Variants in IL16 observed in about 807,000 individuals in gnomAD.
The protein encoded by IL16 is interleukin 16.
A neutral mutation model predicts 110.1 loss-of-function variants in IL16; 67 were observed. The observed-to-expected ratio is 0.61, with a 90% CI of 0.50 to 0.75. The LOEUF (loss-of-function observed/expected upper bound fraction) is 0.75, where lower values mean the gene tolerates loss of function less well. Among genes scored for constraint, IL16 ranks in the 30% least tolerant of loss-of-function variants. The pLI is 0.00. For synonymous variants in IL16, 689 were observed against 662.9 expected (o/e 1.04, Z -0.61); for missense variants, 1,545 against 1,655.0 (o/e 0.93, Z 1.15).
intron 1 of IL16, among the ~76,000 whole-genome samples, chr15:81,206,990 T>C (rs556095063): frequency 1.3e-5 from 2 of 151,898 alleles, no homozygotes; most frequent in African/African-American, 4.8e-5. Context: ...TCCCAACACT[T>C]TGGGAGGCCG....
chr15:81,244,311 T>TTTTG lies in IL16; in HGVS notation c.313-15445_313-15442dup, dbSNP rs538641255. ...TTCCTTCCTGACGTTTTAAGATTCT[T>TTTTG]TTTGTTTGTTTGTTTGTTTTCCTTC... On this transcript the variant is annotated intron_variant, in intron 2 of 18. Coordinates refer to ENST00000683961, the MANE Select transcript of IL16 (RefSeq NM_172217.5). Among the ~76,000 whole-genome samples, 463 of 152,282 alleles carry TTTTG rather than the reference T, an allele frequency of 3.0e-3. 1 individual carries two copies. Among genetic ancestry groups the TTTTG allele is most frequent in the African/African-American group, 0.011 (437 of 41,564 alleles).
intron 11 of IL16, chr15:81,292,137 A>AT: frequency 2.8e-6 from 1 of 360,480 alleles, no homozygotes; most frequent in Non-Finnish European, 5.5e-6. Context: ...GTTGGCCAAC[A>AT]TAGCTGGGCC....
chr15:81,257,367 C>T (rs1214102327), intron 2 of IL16, among the ~76,000 whole-genome samples: 2 of 152,162 alleles, frequency 1.3e-5, no homozygotes, highest in South Asian at 2.1e-4. Flanking sequence ...AACTCCTCCA[C>T]CTGTTAGAAA....
At chr15:81,253,176 C>A (rs929807211) in intron 2 of IL16, among the ~76,000 whole-genome samples, 1 of 152,082 alleles carries the variant, frequency 6.6e-6, no homozygotes, top group South Asian at 2.1e-4. Flanking sequence ...CTAGTGCATG[C>A]GAGTGGTATC....
chr15:81,185,834 T>C (rs1040832132), intron 1 of IL16, among the ~76,000 whole-genome samples: 9 of 152,118 alleles, frequency 5.9e-5, no homozygotes, highest in Non-Finnish European at 1.0e-4. Flanking sequence ...GGAGTTACAC[T>C]GGGGCAGAGA....
intron 1 of IL16, among the ~76,000 whole-genome samples, chr15:81,217,887 T>TA (rs76594653): frequency 2.3e-4 from 35 of 152,220 alleles, no homozygotes; most frequent in East Asian, 1.7e-3. Flanking sequence ...CTTAATATGA[T>TA]AAAAAAATTA....
In IL16 at chr15:81,288,851, G is replaced by GCA. The variant is rs769345168; in HGVS notation, c.1333-1602_1333-1601insCA. On this transcript the variant is annotated intron_variant, in intron 10 of 18. Coordinates refer to ENST00000683961, the MANE Select transcript of IL16 (RefSeq NM_172217.5). Reference sequence around the variant, plus strand: ...TGTATGTGTGTGTGTGTGTGTGTGCGTGTGTGTGTATCACATGCTGTTTAT... The same window carrying GCA: ...TGTATGTGTGTGTGTGTGTGTGTGCGCATGTGTGTGTATCACATGCTGTTTAT... 4.1e-3 allele frequency among the ~76,000 whole-genome samples: 617 copies of GCA among 152,090 alleles called. 1 individual carries two copies. The highest frequency in any genetic ancestry group is 0.011 in the African/African-American group (447 of 41,508).
intron 6 of IL16, among the ~76,000 whole-genome samples, chr15:81,278,333 G>A (rs952017957): frequency 6.6e-6 from 1 of 152,160 alleles, no homozygotes; most frequent in African/African-American, 2.4e-5. Flanking sequence ...AGTGTGACAT[G>A]AACATAGAAA....
Position 81,303,385 on chromosome 15 carries a change from TC to T in IL16, c.3319-162del. The T allele has an allele frequency of 1.7e-6, 1 of 594,148 alleles. No individual in the cohort carries two copies. Among genetic ancestry groups the T allele is most frequent in the Non-Finnish European group, 3.0e-6 (1 of 329,962 alleles). The allele number at this position is 594,148 out of a possible 1,614,324, so 36.8% of individuals were successfully genotyped here. Reference sequence around the variant, plus strand: ...CTAAGCTTCCCATGACTCCTGAAGGTCCATTCTTTACAGATGAGGAAACTGA... The same window carrying T: ...CTAAGCTTCCCATGACTCCTGAAGGTCATTCTTTACAGATGAGGAAACTGA... On this transcript the variant is annotated intron_variant, in intron 15 of 18. Transcript: ENST00000683961. The surrounding 1 kb of genome is among the most constrained non-coding windows in gnomAD (Gnocchi z 4.1).
intron 2 of IL16, among the ~76,000 whole-genome samples, chr15:81,243,161 A>AT (rs1449318741): frequency 0.013 from 372 of 27,760 alleles, 8 homozygotes; most frequent in Middle Eastern, 0.026. Flanking sequence ...ATATATATAT[A>AT]TATTTTTTTT....
intron 9 of IL16, among the ~76,000 whole-genome samples, chr15:81,284,539 T>G (rs2142319330): frequency 1.3e-5 from 2 of 152,350 alleles, no homozygotes; most frequent in South Asian, 4.1e-4. Flanking sequence ...TTCTGGAAGC[T>G]TCTGCTTTCC....
At chr15:81,239,302 T>C (rs1897272787) in intron 2 of IL16, among the ~76,000 whole-genome samples, 1 of 152,218 alleles carries the variant, frequency 6.6e-6, no homozygotes, top group African/African-American at 2.4e-5. Context: ...CCTACTCTTA[T>C]GAGCTTTTGT....
intron 1 of IL16, among the ~76,000 whole-genome samples, chr15:81,218,108 A>G (rs1896493406): frequency 6.6e-6 from 1 of 152,202 alleles, no homozygotes; most frequent in African/African-American, 2.4e-5. Flanking sequence ...AGGTTACATG[A>G]TTGAAAATTC....
intron 2 of IL16, among the ~76,000 whole-genome samples, chr15:81,248,845 C>G (rs1897665763): frequency 6.6e-6 from 1 of 151,450 alleles, no homozygotes; most frequent in Non-Finnish European, 1.5e-5. Flanking sequence ...CTCAGCCTCC[C>G]AAGTGGCTGG....
chr15:81,245,337 C>G (rs1224663740), intron 2 of IL16, among the ~76,000 whole-genome samples: 1 of 152,188 alleles, frequency 6.6e-6, no homozygotes, highest in Non-Finnish European at 1.5e-5. Context: ...CCATTTGTTA[C>G]TGCCAGGTAA....
chr15:81,206,415 A>T (rs1239355748), intron 1 of IL16, among the ~76,000 whole-genome samples: 1 of 152,236 alleles, frequency 6.6e-6, no homozygotes, highest in Non-Finnish European at 1.5e-5. Flanking sequence ...ATCTTATGGG[A>T]CCACTATCAT....
intron 2 of IL16, among the ~76,000 whole-genome samples, chr15:81,233,938 C>T (rs72744156): frequency 0.15 from 22,797 of 151,828 alleles, 1,990 homozygotes; most frequent in Middle Eastern, 0.2. Flanking sequence ...CAATTTTTGC[C>T]TTATATATTT....
At chr15:81,214,965 C>A (rs1033180461) in intron 1 of IL16, among the ~76,000 whole-genome samples, 1 of 152,160 alleles carries the variant, frequency 6.6e-6, no homozygotes, top group African/African-American at 2.4e-5. Context: ...AGTCTTTCAG[C>A]TCTAGAAGTT....
chr15:81,292,392 G>T, intron 11 of IL16, 164 bp from the exon 12 acceptor site: 1 of 1,018,190 alleles, frequency 9.8e-7, no homozygotes. Flanking sequence ...CAGCTCGCCA[G>T]GGACCAACAC....
Sources: allele counts gnomAD v4.1 joint callset (sites outside exome capture counted in the v4.1 genomes callset), GRCh38; gene constraint gnomAD v4.1.1; non-coding constraint Gnocchi (gnomAD v3.1); transcripts MANE v1.5; gene names NCBI Gene and HGNC (gene_info 2026-07-23, HGNC 2026-07-21).